Variants in ACSL3 observed in about 807,000 individuals in gnomAD.
The protein encoded by ACSL3 is acyl-CoA synthetase long chain family member 3, also known as fatty acid CoA ligase Acsl3.
Under a neutral mutation model 84.7 loss-of-function variants are expected in ACSL3, and 34 were observed. That is an observed-to-expected ratio of 0.40 (90% CI 0.31 to 0.53). The LOEUF (loss-of-function observed/expected upper bound fraction) is 0.53. Ranked by LOEUF, ACSL3 falls within the 20% of genes least tolerant of loss-of-function variation. ACSL3 has a pLI of 0.48. For missense variants in ACSL3, 680 were observed against 873.1 expected, an observed-to-expected ratio of 0.78 and a Z score of 2.79; for synonymous variants, 315 against 299.4, an observed-to-expected ratio of 1.05 and a Z score of -0.54.
intron 1 of ACSL3, among the ~76,000 whole-genome samples, chr2:222,887,336 T>TA (rs1280042595): frequency 3.3e-5 from 5 of 152,238 alleles, no homozygotes; most frequent in Non-Finnish European, 5.9e-5. Flanking sequence ...TGTTGAAAGA[T>TA]ATGTTGATTG....
chr2:222,897,919 AGAGGGGGAGGGG>A lies in ACSL3; in HGVS notation c.-147-2733_-147-2722del, dbSNP rs1374657618. 1.8e-5 allele frequency among the ~76,000 whole-genome samples: 2 copies of A among 109,562 alleles called. 1 individual carries two copies. The highest frequency in any genetic ancestry group is 4.4e-5 in the Non-Finnish European group (2 of 45,108). The allele number at this position is 109,562 out of a possible 152,430, so 71.9% of individuals were successfully genotyped here. A position where few individuals can be genotyped will look rare whatever the true frequency, so the allele number is the denominator to read the frequency against. On this transcript the variant is annotated intron_variant, in intron 2 of 16. Coordinates refer to ENST00000357430, the MANE Select transcript of ACSL3 (RefSeq NM_004457.5). Reference sequence around the variant, plus strand: ...CATCAGAGGGAGACCGTGGAGAGGGAGAGGGGGAGGGGGAGGGGGAGGGGGAGGGGGAGCTAC... The same window carrying A: ...CATCAGAGGGAGACCGTGGAGAGGGAGAGGGGGAGGGGGAGGGGGAGCTAC...
chr2:222,907,913 C>T (rs1020014516), intron 3 of ACSL3, among the ~76,000 whole-genome samples: 1 of 152,172 alleles, frequency 6.6e-6, no homozygotes. Context: ...ACCTCTCCAA[C>T]GTTGCCCCAG....
chr2:222,917,553 G>A (rs899282226), intron 5 of ACSL3: 4 of 152,250 alleles, frequency 2.6e-5, no homozygotes, highest in African/African-American at 9.6e-5. Context: ...TTCATGTTAT[G>A]TAATTTCAGC....
intron 1 of ACSL3, among the ~76,000 whole-genome samples, chr2:222,862,793 G>A (rs1695047389): frequency 6.6e-6 from 1 of 152,156 alleles, no homozygotes; most frequent in South Asian, 2.1e-4. Flanking sequence ...AAGTCACCTC[G>A]TATCTTTGGA....
chr2:222,874,320 C>T (rs547840658), intron 1 of ACSL3, among the ~76,000 whole-genome samples: 104 of 152,196 alleles, frequency 6.8e-4, no homozygotes, highest in African/African-American at 2.4e-3. Flanking sequence ...CCACTGTGCC[C>T]GGCCTTGTAC....
intron 11 of ACSL3, among the ~76,000 whole-genome samples, chr2:222,926,259 G>A (rs111296160): frequency 9.9e-5 from 15 of 152,272 alleles, no homozygotes; most frequent in African/African-American, 3.4e-4. Context: ...ATACTATGCC[G>A]TTTTATATAA....
intron 12 of ACSL3, among the ~76,000 whole-genome samples, chr2:222,927,715 C>T (rs1005670990): frequency 6.6e-6 from 1 of 152,110 alleles, no homozygotes; most frequent in African/African-American, 2.4e-5. Context: ...TGAGATGAAT[C>T]GCATAGGGCC....
intron 11 of ACSL3, among the ~76,000 whole-genome samples, chr2:222,924,895 G>A (rs1039730593): frequency 2.6e-5 from 4 of 151,908 alleles, no homozygotes; most frequent in Admixed American, 6.6e-5. Flanking sequence ...GCTTGGTGGC[G>A]GGCGCCTGTA....
At chr2:222,941,471 C>A in intron 16 of ACSL3, 26 bp from the exon 17 acceptor site, 1 of 1,379,962 alleles carries the variant, frequency 7.2e-7, no homozygotes, top group Admixed American at 2.3e-5. Context: ...ACCTTTTCTT[C>A]TTTTCTTTTT....
intron 2 of ACSL3, among the ~76,000 whole-genome samples, chr2:222,898,221 A>AT (rs1374408538): frequency 6.6e-6 from 1 of 151,772 alleles, no homozygotes; most frequent in Admixed American, 6.6e-5. Context: ...TTTTGTCAGC[A>AT]TTTTTTCCTG....
At chr2:222,882,005 A>AT (rs1001543647) in intron 1 of ACSL3, among the ~76,000 whole-genome samples, 4 of 152,014 alleles carry the variant, frequency 2.6e-5, no homozygotes, top group East Asian at 3.9e-4. Context: ...ACATTTTAGG[A>AT]TTTTTTCCCT....
chr2:222,879,046 G>A (rs916554491), intron 1 of ACSL3, among the ~76,000 whole-genome samples: 1 of 152,216 alleles, frequency 6.6e-6, no homozygotes, highest in African/African-American at 2.4e-5. Flanking sequence ...ACTGGGAACA[G>A]TGACTCACAC....
chr2:222,941,643 G>T lies in ACSL3; in HGVS notation c.2152G>T (p.Gly718Ter). ...CCAGGCGGACATTGAGCGAATGTAT[G>T]GAAGAAAATAATTATTCTCTTCTGG... ...HYQADIERMY[G>*]RK The change falls in exon 17 of 17, where the codon GGA (glycine) becomes TGA (stop). Residue 718 changes from glycine to a stop codon, truncating the protein, a stop_gained. Transcript: ENST00000357430. LOFTEE classifies it high-confidence loss of function. 1 of 1,611,736 alleles carries T rather than the reference G, an allele frequency of 6.2e-7. No homozygotes were observed. The highest frequency in any genetic ancestry group is 8.5e-7 in the Non-Finnish European group (1 of 1,179,148).
intron 1 of ACSL3, among the ~76,000 whole-genome samples, chr2:222,883,144 T>C (rs1277998608): frequency 6.6e-6 from 1 of 151,784 alleles, no homozygotes; most frequent in Non-Finnish European, 1.5e-5. Flanking sequence ...AGAATCACCT[T>C]ATTTGTAGGT....
intron 7 of ACSL3, among the ~76,000 whole-genome samples, chr2:222,919,946 T>C (rs564178615): frequency 3.3e-5 from 5 of 152,236 alleles, no homozygotes; most frequent in African/African-American, 1.2e-4. Flanking sequence ...GTTTTAATTA[T>C]AGCTGTGGGA....
chr2:222,933,909 G>T (rs1183911275), intron 15 of ACSL3, among the ~76,000 whole-genome samples: 1 of 152,224 alleles, frequency 6.6e-6, no homozygotes, highest in Non-Finnish European at 1.5e-5. Context: ...ATTTATAAAT[G>T]ATTCTGGTCT....
chr2:222,921,793 C>G (rs1696746905), intron 8 of ACSL3, among the ~76,000 whole-genome samples: 1 of 151,922 alleles, frequency 6.6e-6, no homozygotes, highest in South Asian at 2.1e-4. Context: ...AGTATTTGGT[C>G]TCTGATTTTT....
chr2:222,926,563 T>C (rs529179051), intron 11 of ACSL3, among the ~76,000 whole-genome samples: 1 of 152,290 alleles, frequency 6.6e-6, no homozygotes, highest in Non-Finnish European at 1.5e-5. Flanking sequence ...AATTCAAAGC[T>C]TGAATTAGTG....
chr2:222,902,147 A>G (rs1179183859), intron 3 of ACSL3, among the ~76,000 whole-genome samples: 1 of 152,170 alleles, frequency 6.6e-6, no homozygotes, highest in Non-Finnish European at 1.5e-5. Flanking sequence ...ATTTAACTTG[A>G]TACACTTTCC....
Sources: gnomAD v4.1 joint callset for allele counts (sites outside exome capture counted in the v4.1 genomes callset) on GRCh38, gnomAD v4.1.1 for gene constraint, MANE v1.5 for transcripts, NCBI Gene and HGNC (gene_info 2026-07-23, HGNC 2026-07-21) for gene names.